Variants in SRGN observed in about 807,000 individuals in gnomAD.
SRGN encodes hematopoetic proteoglycan core peptide.
SRGN carries 2 observed loss-of-function variants against 9.5 expected under a neutral mutation model. The observed-to-expected ratio is 0.21, with a 90% confidence interval of 0.09 to 0.66. The LOEUF is 0.66. SRGN is among the 30% of genes least tolerant of loss of function. The pLI is 0.83. For missense variants in SRGN, 170 were observed against 192.4 expected, an observed-to-expected ratio of 0.88 and a Z score of 0.69; for synonymous variants, 59 against 72.3, an observed-to-expected ratio of 0.82 and a Z score of 0.93.
chr10:69,091,045 T>A (rs897555022), intron 1 of SRGN, among the ~76,000 whole-genome samples: 18 of 152,346 alleles, frequency 1.2e-4, no homozygotes, highest in Middle Eastern at 3.4e-3. Flanking sequence ...CTTGTGCTGC[T>A]CTTTGTAAAG....
At chr10:69,097,718 C>T (rs2132158255) in intron 2 of SRGN, among the ~76,000 whole-genome samples, 1 of 152,148 alleles carries the variant, frequency 6.6e-6, no homozygotes, top group African/African-American at 2.4e-5. Context: ...TGAGCCACTG[C>T]GCCTGGCCTA....
At chr10:69,099,309 GT>G (rs59142650) in intron 2 of SRGN, among the ~76,000 whole-genome samples, 119 of 138,892 alleles carry the variant, frequency 8.6e-4, no homozygotes, top group African/African-American at 1.4e-3. Context: ...TTTCTCTTTT[GT>G]TTTTTTTTTT....
chr10:69,097,363 C>A (rs1242354903), intron 2 of SRGN, 132 bp downstream of exon 2: 8 of 636,178 alleles, frequency 1.3e-5, no homozygotes, highest in African/African-American at 3.7e-5. Context: ...TGGGTTCAAG[C>A]GATTCTCCTG....
At chr10:69,098,941 A>G (rs1407051493) in intron 2 of SRGN, 1 of 152,142 alleles carries the variant, frequency 6.6e-6, no homozygotes, top group Non-Finnish European at 1.5e-5. Context: ...TAGGCAACAG[A>G]GTAAGACTCT....
intron 2 of SRGN, among the ~76,000 whole-genome samples, chr10:69,100,494 A>T (rs1189121938): frequency 6.6e-6 from 1 of 152,202 alleles, no homozygotes; most frequent in Non-Finnish European, 1.5e-5. Flanking sequence ...TCTCCAAAAG[A>T]ACTCTTGCAC....
intron 2 of SRGN, among the ~76,000 whole-genome samples, chr10:69,099,147 A>G (rs1345161631): frequency 6.6e-6 from 1 of 152,194 alleles, no homozygotes; most frequent in African/African-American, 2.4e-5. Flanking sequence ...AAAGCTATGT[A>G]GGATGTAGCA....
intron 1 of SRGN, among the ~76,000 whole-genome samples, chr10:69,094,273 T>C (rs191077932): frequency 1.3e-5 from 2 of 152,252 alleles, no homozygotes; most frequent in Admixed American, 1.3e-4. Context: ...AGACCAGACA[T>C]TGTAAGCTAT....
At position 69,091,879 on chromosome 10, in the gene SRGN, C is replaced by CAAAAAAAAAAAAA. The variant is rs1177012248; in HGVS notation, c.79+3660_79+3672dup. Among the ~76,000 whole-genome samples, 71 of 31,748 alleles carry CAAAAAAAAAAAAA rather than the reference C, an allele frequency of 2.2e-3. 4 individuals carry two copies. The highest frequency in any genetic ancestry group is 2.7e-3 in the African/African-American group (13 of 4,740). 20.8% of individuals were successfully genotyped at this position (31,748 alleles called of 152,430 possible). A position where few individuals can be genotyped will look rare whatever the true frequency, so the allele number is the denominator to read the frequency against. On this transcript the variant is annotated intron_variant, in intron 1 of 2. Coordinates refer to ENST00000242465, the MANE Select transcript of SRGN (RefSeq NM_002727.4). ...TGGGCGATAGACTGAGACTCTGTCT[C>CAAAAAAAAAAAAA]AAAAAAAAAAAAAAAAAAAAAAAAA... is the stretch of plus-strand genomic sequence containing the variant.
upstream of SRGN, among the ~76,000 whole-genome samples, chr10:69,087,793 G>A (rs2805921): frequency 0.17 from 26,322 of 151,834 alleles, 3,108 homozygotes; most frequent in Non-Finnish European, 0.24. Context: ...GCAATCTAGT[G>A]TTTAGATTGT....
intron 1 of SRGN, among the ~76,000 whole-genome samples, chr10:69,090,718 T>G (rs1214414533): frequency 1.3e-5 from 2 of 152,110 alleles, no homozygotes; most frequent in African/African-American, 4.8e-5. Flanking sequence ...ACATATGAAT[T>G]TGGTGGTGGT....
At chr10:69,097,876 TTAAA>T (rs1331615551) in intron 2 of SRGN, among the ~76,000 whole-genome samples, 1 of 152,182 alleles carries the variant, frequency 6.6e-6, no homozygotes, top group African/African-American at 2.4e-5. Context: ...TTCTCTAATT[TTAAA>T]GTGTCTGTAA....
At chr10:69,098,979 G>C (rs926641757) in intron 2 of SRGN, among the ~76,000 whole-genome samples, 1 of 151,700 alleles carries the variant, frequency 6.6e-6, no homozygotes, top group African/African-American at 2.4e-5. Context: ...AAAAAATTAG[G>C]GAAAGGAAGA....
At chr10:69,093,337 G>C (rs986672409) in intron 1 of SRGN, among the ~76,000 whole-genome samples, 2 of 152,172 alleles carry the variant, frequency 1.3e-5, no homozygotes, top group African/African-American at 2.4e-5. Flanking sequence ...AATATGTTAG[G>C]TTAAATAAAA....
At chr10:69,095,246 T>C (rs1840152466) in intron 1 of SRGN, among the ~76,000 whole-genome samples, 1 of 149,888 alleles carries the variant, frequency 6.7e-6, no homozygotes, top group African/African-American at 2.5e-5. Context: ...AGGCAGAGGT[T>C]GCAGTGAGCC....
At chr10:69,093,291 C>A (rs1840102840) in intron 1 of SRGN, among the ~76,000 whole-genome samples, 1 of 152,140 alleles carries the variant, frequency 6.6e-6, no homozygotes, top group African/African-American at 2.4e-5. Flanking sequence ...CCAGTAATAA[C>A]TTTTACATTG....
At chr10:69,103,500 A>C (rs1421471289) in intron 2 of SRGN, among the ~76,000 whole-genome samples, 1 of 152,092 alleles carries the variant, frequency 6.6e-6, no homozygotes, top group African/African-American at 2.4e-5. Flanking sequence ...CCGAGATGGC[A>C]CCACTGCACT....
chr10:69,097,346 C>A, intron 2 of SRGN, 115 bp downstream of exon 2: 1 of 783,424 alleles, frequency 1.3e-6, no homozygotes, highest in Non-Finnish European at 2.0e-6. Context: ...CTGCAACCTC[C>A]GCCTCCTGGG....
At chr10:69,099,662 T>C (rs1463830165) in intron 2 of SRGN, among the ~76,000 whole-genome samples, 2 of 152,192 alleles carry the variant, frequency 1.3e-5, no homozygotes, top group Non-Finnish European at 2.9e-5. Flanking sequence ...ACTGCATTAG[T>C]GATGACATCA....
rs145005038 is a variant in SRGN, at chr10:69,097,940, CAG to C, written c.227+712_227+713del. Among the ~76,000 whole-genome samples the C allele has an allele frequency of 3.9e-3, 600 of 152,196 alleles. 4 individuals carry two copies. Among genetic ancestry groups the C allele is most frequent in the African/African-American group, 0.014 (564 of 41,524 alleles). On this transcript the variant is annotated intron_variant, in intron 2 of 2. Transcript: ENST00000242465. ...TGGGAGTGTTTTTCTTCAAGCTGTC[CAG>C]AGTGTTTTGCTTCGAGCTCTTGCTT...
Sources: gnomAD v4.1 joint callset for allele counts (sites outside exome capture counted in the v4.1 genomes callset) on GRCh38, gnomAD v4.1.1 for gene constraint, MANE v1.5 for transcripts, NCBI Gene and HGNC (gene_info 2026-07-23, HGNC 2026-07-21) for gene names.